Variants in DPYSL2 observed in about 807,000 individuals in gnomAD.
DPYSL2 encodes the protein dihydropyrimidinase like 2, also known as dihydropyrimidinase-related protein 2.
DPYSL2 carries 13 observed loss-of-function variants against 69.9 expected under a neutral mutation model. The observed-to-expected ratio is 0.19, with a 90% confidence interval of 0.12 to 0.30. DPYSL2 has a LOEUF of 0.30. Ranked by LOEUF, DPYSL2 falls within the 10% of genes least tolerant of loss-of-function variation. The probability of loss-of-function intolerance (pLI) is 1.00; values close to 1 mark genes in which losing one functional copy is unlikely to be tolerated. For missense variants in DPYSL2, 587 were observed against 918.9 expected, an observed-to-expected ratio of 0.64 and a Z score of 4.67; for synonymous variants, 326 against 359.1, an observed-to-expected ratio of 0.91 and a Z score of 1.04.
chr8:26,560,681 C>G lies in DPYSL2; in HGVS notation c.355-21288C>G, dbSNP rs1460998263. Among the ~76,000 whole-genome samples, 1 of 152,154 alleles carries G rather than the reference C, an allele frequency of 6.6e-6. No individual in the cohort carries two copies. Among genetic ancestry groups the G allele is most frequent in the African/African-American group, 2.4e-5 (1 of 41,424 alleles). On this transcript the variant is annotated intron_variant, in intron 1 of 13. Coordinates refer to ENST00000521913, the MANE Select transcript of DPYSL2 (RefSeq NM_001197293.3). The surrounding 1 kb of genome is among the most constrained non-coding windows in gnomAD (Gnocchi z 4.4). ...ATAGAAGCATTAAAACAGTAAGCAGCCATCATTTTTGGGCAGAGGGAGATA... is the reference window on the plus strand; with the variant it reads ...ATAGAAGCATTAAAACAGTAAGCAGGCATCATTTTTGGGCAGAGGGAGATA...
chr8:26,635,785 T>A (rs1802900813), intron 8 of DPYSL2, among the ~76,000 whole-genome samples: 1 of 152,188 alleles, frequency 6.6e-6, no homozygotes, highest in African/African-American at 2.4e-5. Flanking sequence ...TTTCCTGATT[T>A]CTGTTTCATT....
chr8:26,583,911 C>G lies in DPYSL2; in HGVS notation c.556C>G (p.Gln186Glu). ...CCACACTCGTTTCCAGATGCCTGATCAGGGAATGACGTCTGCTGATGATTT... is the reference window on the plus strand; with the variant it reads ...CCACACTCGTTTCCAGATGCCTGATGAGGGAATGACGTCTGCTGATGATTT... ...DVHTRFQMPDQGMTSADDFFQ... is the reference protein window; with the variant it reads ...DVHTRFQMPDEGMTSADDFFQ... The change falls in exon 3 of 14, where the codon CAG (glutamine) becomes GAG (glutamate). Residue 186 changes from glutamine to glutamate, a missense_variant. Transcript: ENST00000521913. 6.2e-7 allele frequency: 1 copy of G among 1,614,196 alleles called. No homozygotes were observed. Among genetic ancestry groups the G allele is most frequent in the South Asian group, 1.1e-5 (1 of 91,088 alleles).
At chr8:26,633,989 C>G (rs1429754731) in intron 7 of DPYSL2, among the ~76,000 whole-genome samples, 2 of 152,216 alleles carry the variant, frequency 1.3e-5, no homozygotes, top group African/African-American at 4.8e-5. Context: ...AATGGGAGCC[C>G]AGCACAAACT....
Position 26,652,477 on chromosome 8 carries a change from A to G in DPYSL2, c.1776+41A>G. The G allele has an allele frequency of 6.4e-7, 1 of 1,562,866 alleles. No individual in the cohort carries two copies. Among genetic ancestry groups the G allele is most frequent in the East Asian group, 2.3e-5 (1 of 43,804 alleles). ...CTGATGAATTTTTTGTTAAATCACG[A>G]ATTAAGTTCAAGGCCACAAACATTT... On this transcript the variant is annotated intron_variant, in intron 12 of 13. Transcript: ENST00000521913. The surrounding 1 kb of genome is among the most constrained non-coding windows in gnomAD (Gnocchi z 6.3).
intron 1 of DPYSL2, among the ~76,000 whole-genome samples, chr8:26,551,818 G>A (rs1474708748): frequency 6.6e-6 from 1 of 152,086 alleles, no homozygotes; most frequent in East Asian, 1.9e-4. Flanking sequence ...TACTTTTATT[G>A]TATTTTATTT....
In DPYSL2 at chr8:26,621,456, G is replaced by A. The variant is rs1802480533; in HGVS notation, c.629-2687G>A. Among the ~76,000 whole-genome samples the A allele has an allele frequency of 6.6e-6, 1 of 152,178 alleles. No individual in the cohort carries two copies. Among genetic ancestry groups the A allele is most frequent in the Admixed American group, 6.5e-5 (1 of 15,282 alleles). ...TTCCCAGGAGAGCCCCTCCTTTGCTGCTTGACCTGATTGCAAGTGGAATGT... is the reference window on the plus strand; with the variant it reads ...TTCCCAGGAGAGCCCCTCCTTTGCTACTTGACCTGATTGCAAGTGGAATGT... On this transcript the variant is annotated intron_variant, in intron 3 of 13. Transcript: ENST00000521913. This position sits in a 1 kb window ranked among gnomAD's most constrained non-coding sequence, Gnocchi z 4.9.
chr8:26,550,336 C>A (rs1206270004), intron 1 of DPYSL2, among the ~76,000 whole-genome samples: 1 of 151,664 alleles, frequency 6.6e-6, no homozygotes, highest in East Asian at 1.9e-4. Flanking sequence ...ATAAAGTAAT[C>A]AATTAAAATG....
At chr8:26,570,841 T>C (rs1801225698) in intron 1 of DPYSL2, among the ~76,000 whole-genome samples, 1 of 152,022 alleles carries the variant, frequency 6.6e-6, no homozygotes, top group Admixed American at 6.6e-5. Flanking sequence ...TTCTTTGTGC[T>C]TTTCTCTCCT....
In DPYSL2 at chr8:26,624,522, G is replaced by A. The variant is rs564241358; in HGVS notation, c.793+215G>A. Among the ~76,000 whole-genome samples the A allele has an allele frequency of 1.1e-4, 17 of 152,318 alleles. No individual in the cohort carries two copies. The highest frequency in any genetic ancestry group is 4.1e-4 in the African/African-American group (17 of 41,570). ...TAACATGAGCCTTCATTGATGATAAGAGAAGATGAGGCTTACTGCTGGGAC... is the reference window on the plus strand; with the variant it reads ...TAACATGAGCCTTCATTGATGATAAAAGAAGATGAGGCTTACTGCTGGGAC... On this transcript the variant is annotated intron_variant, in intron 4 of 13. Coordinates refer to ENST00000521913, the MANE Select transcript of DPYSL2 (RefSeq NM_001197293.3). The surrounding 1 kb of genome is among the most constrained non-coding windows in gnomAD (Gnocchi z 4.7).
Position 26,640,891 on chromosome 8 carries a change from G to A in DPYSL2, c.1127-2548G>A, listed in dbSNP as rs1374709810. Among the ~76,000 whole-genome samples the A allele has an allele frequency of 6.6e-6, 1 of 152,172 alleles. No individual in the cohort carries two copies. Among genetic ancestry groups the A allele is most frequent in the East Asian group, 1.9e-4 (1 of 5,184 alleles). ...GAGGCAGGTTCTGCTCAGCAGTGGC[G>A]TTGAGAGCTCAGACCCCATTTTGGG... On this transcript the variant is annotated intron_variant, in intron 8 of 13. Transcript: ENST00000521913. The surrounding 1 kb of genome is among the most constrained non-coding windows in gnomAD (Gnocchi z 4.2).
In DPYSL2 at chr8:26,621,975, G is replaced by A. The variant is rs967948607; in HGVS notation, c.629-2168G>A. Among the ~76,000 whole-genome samples, 9 of 152,206 alleles carry A rather than the reference G, an allele frequency of 5.9e-5. No homozygotes were observed. Among genetic ancestry groups the A allele is most frequent in the Non-Finnish European group, 1.0e-4 (7 of 68,026 alleles). On this transcript the variant is annotated intron_variant, in intron 3 of 13. Transcript: ENST00000521913. This position sits in a 1 kb window ranked among gnomAD's most constrained non-coding sequence, Gnocchi z 4.9. The stretch of plus-strand genomic sequence containing the variant: ...AGATCCTTCTAGCTGCTTCTGAAGG[G>A]TGATTTGTAGAAGGACAAGAGATGA...
At chr8:26,541,110 T>C (rs1297919613) in intron 1 of DPYSL2, among the ~76,000 whole-genome samples, 1 of 152,030 alleles carries the variant, frequency 6.6e-6, no homozygotes, top group East Asian at 1.9e-4. Flanking sequence ...TTTATTCAAG[T>C]TGTCGAAAGT....
chr8:26,618,294 G>C (rs1302536022), intron 3 of DPYSL2, among the ~76,000 whole-genome samples: 1 of 148,294 alleles, frequency 6.7e-6, no homozygotes, highest in Non-Finnish European at 1.5e-5. Flanking sequence ...TTGCAGCCCT[G>C]CATGGTATGT....
In DPYSL2 at chr8:26,653,111, T is replaced by G; in HGVS notation, c.1777-121T>G. The G allele has an allele frequency of 8.1e-7, 1 of 1,235,304 alleles. No homozygotes were observed. The highest frequency in any genetic ancestry group is 1.1e-6 in the Non-Finnish European group (1 of 884,062). The allele number at this position is 1,235,304 out of a possible 1,614,324, so 76.5% of individuals were successfully genotyped here. A position where few individuals can be genotyped will look rare whatever the true frequency, so the allele number is the denominator to read the frequency against. Reference sequence around the variant, plus strand: ...TGGCCCCACACAACACCTGTCCACCTGTCTGTAAGGAGAGCCCTCCATCCC... The same window carrying G: ...TGGCCCCACACAACACCTGTCCACCGGTCTGTAAGGAGAGCCCTCCATCCC... On this transcript the variant is annotated intron_variant, in intron 12 of 13. Transcript: ENST00000521913. This position sits in a 1 kb window ranked among gnomAD's most constrained non-coding sequence, Gnocchi z 5.7.
At position 26,514,622 on chromosome 8, in the gene DPYSL2, G is replaced by A; in HGVS notation, c.297G>A (p.Arg99=). The A allele has an allele frequency of 6.7e-7, 1 of 1,483,018 alleles. No individual in the cohort carries two copies. The highest frequency in any genetic ancestry group is 8.9e-7 in the Non-Finnish European group (1 of 1,122,350). The allele number at this position is 1,483,018 out of a possible 1,614,324, so 91.9% of individuals were successfully genotyped here. ...AGGEPSVESG[R]KVEIRRASGK... is the part of the protein sequence containing the mutation. The stretch of plus-strand genomic sequence containing the variant: ...GAGAGCCATCTGTTGAATCGGGCCG[G>A]AAGGTGGAGATCCGGAGGGCCTCGG... The change falls in exon 1 of 14, where the codon CGG becomes CGA. Residue 99 remains arginine, a synonymous_variant. Transcript: ENST00000521913. This position sits in a 1 kb window ranked among gnomAD's most constrained non-coding sequence, Gnocchi z 8.4.
In DPYSL2 at chr8:26,610,081, G is replaced by A. The variant is rs1802193554; in HGVS notation, c.629-14062G>A. Among the ~76,000 whole-genome samples, 1 of 152,190 alleles carries A rather than the reference G, an allele frequency of 6.6e-6. No individual in the cohort carries two copies. Among genetic ancestry groups the A allele is most frequent in the Non-Finnish European group, 1.5e-5 (1 of 68,020 alleles). ...GGCTCCTGGTATCCCTAAGGGTTTT[G>A]GAAGAAGAGTTTCAGTTTTTCAAAG... On this transcript the variant is annotated intron_variant, in intron 3 of 13. Coordinates refer to ENST00000521913, the MANE Select transcript of DPYSL2 (RefSeq NM_001197293.3). This position sits in a 1 kb window ranked among gnomAD's most constrained non-coding sequence, Gnocchi z 4.5.
intron 3 of DPYSL2, among the ~76,000 whole-genome samples, chr8:26,602,649 T>C (rs1308854394): frequency 1.3e-5 from 2 of 152,236 alleles, no homozygotes; most frequent in African/African-American, 4.8e-5. Flanking sequence ...TATTCATTCC[T>C]TCATCCGTTC....
chr8:26,518,102 C>T (rs1311832945), intron 1 of DPYSL2, among the ~76,000 whole-genome samples: 2 of 152,256 alleles, frequency 1.3e-5, no homozygotes, highest in East Asian at 3.8e-4. Flanking sequence ...TTAAAGCCAT[C>T]TGCTCCTCAG....
At chr8:26,531,317 G>A (rs1462959288) in intron 1 of DPYSL2, among the ~76,000 whole-genome samples, 2 of 152,114 alleles carry the variant, frequency 1.3e-5, no homozygotes, top group African/African-American at 4.8e-5. Flanking sequence ...GGGGGCTCAT[G>A]GAAGTTCCCA....
Sources: gnomAD v4.1 joint callset for allele counts (sites outside exome capture counted in the v4.1 genomes callset) on GRCh38, gnomAD v4.1.1 for gene constraint, Gnocchi (gnomAD v3.1) non-coding constraint, MANE v1.5 for transcripts, NCBI Gene and HGNC (gene_info 2026-07-23, HGNC 2026-07-21) for gene names.